The following WWOX variants were observed in gnomAD, a reference collection of about 807,000 sequenced individuals.
WWOX encodes WW domain containing oxidoreductase.
A neutral mutation model predicts 46.2 loss-of-function variants in WWOX; 69 were observed. The observed-to-expected ratio is 1.49, with a 90% CI of 1.23 to 1.82. The LOEUF (loss-of-function observed/expected upper bound fraction) is 1.82. Ranked by LOEUF, WWOX falls within the 40% of genes most tolerant of loss-of-function variation. The pLI, the probability that WWOX is intolerant of heterozygous loss-of-function variation, is 0.00. For missense variants in WWOX, 919 were observed against 542.6 expected (o/e 1.69, Z -6.89); for synonymous variants, 359 against 202.6 (o/e 1.77, Z -6.56).
rs74033556 is a variant in WWOX, at chr16:78,757,762, G to A, written c.1056+325010G>A. The stretch of plus-strand genomic sequence containing the variant: ...AAATTTTCCTATAAATAATCTTTCT[G>A]ATTGACAGATAGCGACCTTCCTGCT... On this transcript the variant is annotated intron_variant, in intron 8 of 8. Transcript: ENST00000566780. 8.0e-4 allele frequency among the ~76,000 whole-genome samples: 120 copies of A among 150,800 alleles called. 1 individual carries two copies. The Middle Eastern group carries it at 0.01, about 13-fold the overall frequency.
chr16:78,149,919 A>G (rs1004925248), intron 4 of WWOX, among the ~76,000 whole-genome samples: 1 of 152,064 alleles, frequency 6.6e-6, no homozygotes, highest in East Asian at 1.9e-4. Context: ...CCCATGACAA[A>G]TGTGTGGAGT....
chr16:79,164,626 C>G (rs1051427300), intron 8 of WWOX, among the ~76,000 whole-genome samples: 1 of 152,162 alleles, frequency 6.6e-6, no homozygotes, highest in Non-Finnish European at 1.5e-5. Flanking sequence ...TCCCCTCACT[C>G]TAACCTTGAA....
chr16:78,470,428 C>G (rs545752792), intron 8 of WWOX, among the ~76,000 whole-genome samples: 13 of 152,270 alleles, frequency 8.5e-5, no homozygotes, highest in Non-Finnish European at 1.2e-4. Flanking sequence ...TTGGAGATAA[C>G]CAGAAATAAC....
At chr16:78,626,845 G>C (rs959985402) in intron 8 of WWOX, among the ~76,000 whole-genome samples, 2 of 151,996 alleles carry the variant, frequency 1.3e-5, no homozygotes, top group African/African-American at 2.4e-5. Context: ...TTTATTTTAT[G>C]CTTTATGTTA....
At chr16:78,461,751 C>T (rs1185315659) in intron 8 of WWOX, among the ~76,000 whole-genome samples, 2 of 152,208 alleles carry the variant, frequency 1.3e-5, no homozygotes, top group Admixed American at 1.3e-4. Flanking sequence ...TTATGATCGT[C>T]GAGCCCTCCC....
intron 8 of WWOX, among the ~76,000 whole-genome samples, chr16:79,005,576 G>T (rs1281090244): frequency 6.6e-6 from 1 of 152,096 alleles, no homozygotes; most frequent in Non-Finnish European, 1.5e-5. Context: ...GCAACCTTTG[G>T]TGTTTGGGGC....
intron 5 of WWOX, among the ~76,000 whole-genome samples, chr16:78,268,783 T>C (rs1378034530): frequency 1.3e-5 from 2 of 152,182 alleles, no homozygotes; most frequent in African/African-American, 4.8e-5. Flanking sequence ...CTTCATGTTG[T>C]TTATTTCTTG....
intron 8 of WWOX, among the ~76,000 whole-genome samples, chr16:79,013,257 C>G (rs1390000890): frequency 6.6e-6 from 1 of 152,068 alleles, no homozygotes; most frequent in Non-Finnish European, 1.5e-5. Context: ...AGAGTGAATG[C>G]CTTGCCTTTA....
At chr16:78,177,090 A>G (rs1469778558) in intron 5 of WWOX, among the ~76,000 whole-genome samples, 1 of 152,134 alleles carries the variant, frequency 6.6e-6, no homozygotes, top group Non-Finnish European at 1.5e-5. Context: ...ACTCCAGGAG[A>G]TTTTGATATC....
intron 5 of WWOX, among the ~76,000 whole-genome samples, chr16:78,224,465 TGTAATA>T (rs1013869827): frequency 6.6e-6 from 1 of 151,956 alleles, no homozygotes; most frequent in African/African-American, 2.4e-5. Flanking sequence ...CCTTTTTTCA[TGTAATA>T]GTATTTCTGT....
At chr16:78,674,265 C>G (rs1047815120) in intron 8 of WWOX, among the ~76,000 whole-genome samples, 2 of 148,770 alleles carry the variant, frequency 1.3e-5, no homozygotes, top group African/African-American at 2.5e-5. Context: ...CCAACTCGTT[C>G]CAACCAGTTC....
At chr16:79,158,316 A>G (rs1032082170) in intron 8 of WWOX, among the ~76,000 whole-genome samples, 1 of 152,354 alleles carries the variant, frequency 6.6e-6, no homozygotes, top group Middle Eastern at 3.4e-3. Flanking sequence ...AGACTAGCAA[A>G]TAGAGTTTTC....
In WWOX at chr16:78,462,595, C is replaced by T. The variant is rs117456929; in HGVS notation, c.1056+29843C>T. 1.1e-3 allele frequency among the ~76,000 whole-genome samples: 163 copies of T among 152,266 alleles called. 4 individuals carry two copies. In the East Asian group the frequency reaches 0.026, roughly 25 times the overall value. The stretch of plus-strand genomic sequence containing the variant: ...TGCTGAGCGCTCACTGAAGTGGAAC[C>T]GGGAGATCAGAGGTCCGTCTCCAAG... On this transcript the variant is annotated intron_variant, in intron 8 of 8. Coordinates refer to ENST00000566780, the MANE Select transcript of WWOX (RefSeq NM_016373.4).
At chr16:78,259,452 G>A (rs998382766) in intron 5 of WWOX, among the ~76,000 whole-genome samples, 3 of 149,174 alleles carry the variant, frequency 2.0e-5, no homozygotes, top group East Asian at 1.9e-4. Flanking sequence ...TCAGTCTGCC[G>A]ACTAGCTGGG....
chr16:79,192,660 C>G (rs2051160134), intron 8 of WWOX, among the ~76,000 whole-genome samples: 2 of 152,166 alleles, frequency 1.3e-5, no homozygotes, highest in African/African-American at 2.4e-5. Context: ...GAGCCTTTCC[C>G]TCATTTTTGC....
chr16:79,074,993 C>T (rs776158299), intron 8 of WWOX, among the ~76,000 whole-genome samples: 3 of 152,144 alleles, frequency 2.0e-5, no homozygotes, highest in Admixed American at 1.3e-4. Flanking sequence ...TCTACACATT[C>T]GACTATTCCC....
At chr16:78,928,038 CAAAA>C (rs1479592547) in intron 8 of WWOX, among the ~76,000 whole-genome samples, 2 of 151,316 alleles carry the variant, frequency 1.3e-5, no homozygotes, top group African/African-American at 2.4e-5. Context: ...CATAAACAAA[CAAAA>C]AAAATATCAT....
chr16:79,036,504 G>A (rs77134256), intron 8 of WWOX, among the ~76,000 whole-genome samples: 12,721 of 152,182 alleles, frequency 0.084, 590 homozygotes, highest in Middle Eastern at 0.16. Flanking sequence ...AGCTTCCTCC[G>A]AGCAGCTCCT....
chr16:78,932,513 C>G (rs774187848), intron 8 of WWOX, among the ~76,000 whole-genome samples: 13 of 152,202 alleles, frequency 8.5e-5, no homozygotes, highest in Non-Finnish European at 1.8e-4. Flanking sequence ...TCTTGCAAAC[C>G]TTGAAGTGGG....
Sources: gnomAD v4.1 joint callset for allele counts (sites outside exome capture counted in the v4.1 genomes callset) on GRCh38, gnomAD v4.1.1 for gene constraint, MANE v1.5 for transcripts, NCBI Gene and HGNC (gene_info 2026-07-23, HGNC 2026-07-21) for gene names.